Variants in ASTN2 observed in about 807,000 individuals in gnomAD.
ASTN2 encodes astrotactin 2.
Under a neutral mutation model 139.8 loss-of-function variants are expected in ASTN2, and 54 were observed. The ratio of observed to expected loss-of-function variants is 0.39; its 90% CI spans 0.31 to 0.48. ASTN2 has a LOEUF of 0.48. Ranked by LOEUF, ASTN2 falls within the 20% of genes least tolerant of loss-of-function variation. ASTN2 has a pLI of 0.95. For missense variants in ASTN2, 1,565 were observed against 1,725.1 expected, an observed-to-expected ratio of 0.91 and a Z score of 1.64; for synonymous variants, 756 against 719.5, an observed-to-expected ratio of 1.05 and a Z score of -0.81.
At position 117,215,640 on chromosome 9, in the gene ASTN2, G is replaced by A. The variant is rs959346000; in HGVS notation, c.631-898C>T. On this transcript the variant is annotated intron_variant, in intron 2 of 22. Coordinates refer to ENST00000313400, the MANE Select transcript of ASTN2 (RefSeq NM_001365068.1). ...GGTCTGTAAGATCCTTCAGGGCAGA[G>A]GTATTTTCAAAACACGTCTGTAATC... Among the ~76,000 whole-genome samples the A allele has an allele frequency of 7.2e-5, 11 of 152,034 alleles. No individual in the cohort carries two copies. In the East Asian group the frequency reaches 2.1e-3, roughly 29 times the overall value.
chr9:116,774,429 C>G lies in ASTN2; in HGVS notation c.2396+31203G>C, dbSNP rs548047579. Among the ~76,000 whole-genome samples the G allele has an allele frequency of 2.3e-3, 343 of 152,276 alleles. 2 individuals are homozygous for G. Among genetic ancestry groups the G allele is most frequent in the African/African-American group, 5.6e-3 (231 of 41,558 alleles). On this transcript the variant is annotated intron_variant, in intron 13 of 22. Coordinates refer to ENST00000313400, the MANE Select transcript of ASTN2 (RefSeq NM_001365068.1). ...GGAGTGGGTTGAAGATAGAAGCTTT[C>G]TTCTGGTGGAAAATAATAATAATAG...
At chr9:116,887,050 C>T (rs967029011) in intron 10 of ASTN2, among the ~76,000 whole-genome samples, 1 of 152,226 alleles carries the variant, frequency 6.6e-6, no homozygotes, top group African/African-American at 2.4e-5. Context: ...TGATGTGAAA[C>T]AAGTGCTCAA....
rs944572526 is a variant in ASTN2 at position 117,205,388 on chromosome 9, A to T, written c.1015+8970T>A. Among the ~76,000 whole-genome samples the T allele has an allele frequency of 3.3e-5, 5 of 152,260 alleles. No homozygotes were observed. In the South Asian group the frequency reaches 8.3e-4, roughly 25 times the overall value. On this transcript the variant is annotated intron_variant, in intron 3 of 22. Transcript: ENST00000313400. The stretch of plus-strand genomic sequence containing the variant: ...GGTATTTTACACATCTTTTATTTTT[A>T]TATCTAATCCTCCCATTAACCCTTC...
intron 5 of ASTN2, among the ~76,000 whole-genome samples, chr9:117,049,250 T>G (rs898550443): frequency 6.6e-6 from 1 of 152,120 alleles, no homozygotes; most frequent in African/African-American, 2.4e-5. Flanking sequence ...CAAAACCAGA[T>G]GTATCTTGAA....
At chr9:116,555,768 C>G (rs1852584907) in intron 19 of ASTN2, among the ~76,000 whole-genome samples, 1 of 152,142 alleles carries the variant, frequency 6.6e-6, no homozygotes, top group African/African-American at 2.4e-5. Context: ...CACACACAAC[C>G]CTGCATCTGA....
Position 117,256,706 on chromosome 9 carries a change from G to T in ASTN2, c.630+34620C>A, listed in dbSNP as rs1247680497. 4.6e-5 allele frequency among the ~76,000 whole-genome samples: 7 copies of T among 152,272 alleles called. No homozygotes were observed. In the East Asian group the frequency reaches 1.4e-3, roughly 29 times the overall value. The stretch of plus-strand genomic sequence containing the variant: ...AAGAAGAAATAAAGGAGGAAAAAGA[G>T]AAATTATTACCATTCTTTATCCCAT... On this transcript the variant is annotated intron_variant, in intron 2 of 22. Coordinates refer to ENST00000313400, the MANE Select transcript of ASTN2 (RefSeq NM_001365068.1).
chr9:117,003,953 C>CGTGTGTGTGTGT lies in ASTN2; in HGVS notation c.1591+4127_1591+4138dup, dbSNP rs3038371. On this transcript the variant is annotated intron_variant, in intron 7 of 22. Transcript: ENST00000313400. ...TGTGTTTCTTTCACGCGCGCGCGCG[C>CGTGTGTGTGTGT]GTGTGTGTGTGTGTGTGTGTGTGTT... Among the ~76,000 whole-genome samples, 143 of 146,262 alleles carry CGTGTGTGTGTGT rather than the reference C, an allele frequency of 9.8e-4. 2 individuals carry two copies. Among genetic ancestry groups the CGTGTGTGTGTGT allele is most frequent in the African/African-American group, 3.7e-3 (140 of 38,268 alleles).
Position 117,096,051 on chromosome 9 carries a change from G to A in ASTN2, c.1269C>T (p.Arg423=), listed in dbSNP as rs773218254. The A allele has an allele frequency of 6.2e-7, 1 of 1,613,686 alleles. No individual in the cohort carries two copies. The highest frequency in any genetic ancestry group is 1.1e-5 in the South Asian group (1 of 91,066). The change falls in exon 5 of 23, where the codon CGC becomes CGT. Residue 423 remains arginine, a synonymous_variant. Coordinates refer to ENST00000313400, the MANE Select transcript of ASTN2 (RefSeq NM_001365068.1). ...TTCCAAGGACACTATTACCTTTGCT[G>A]CGGCGGCGACTGCGGTACTGCTCCG... ...FYTEQYRSRR[R]SKGLLKSPVN...
chr9:117,087,267 C>T (rs530752836), intron 5 of ASTN2, among the ~76,000 whole-genome samples: 3 of 151,894 alleles, frequency 2.0e-5, no homozygotes, highest in South Asian at 2.1e-4. Flanking sequence ...CAGGGTCTCA[C>T]TCTGATGCCC....
intron 1 of ASTN2, among the ~76,000 whole-genome samples, chr9:117,326,044 C>T (rs903822275): frequency 2.6e-5 from 4 of 152,156 alleles, no homozygotes; most frequent in Non-Finnish European, 5.9e-5. Flanking sequence ...CGGAGCTTCA[C>T]AGCACACATT....
At chr9:116,894,974 C>G (rs1257849915) in intron 10 of ASTN2, among the ~76,000 whole-genome samples, 1 of 152,182 alleles carries the variant, frequency 6.6e-6, no homozygotes, top group Non-Finnish European at 1.5e-5. Context: ...TTTTACCTCC[C>G]TGCACATTTA....
At chr9:117,185,906 A>G (rs1369176190) in intron 3 of ASTN2, among the ~76,000 whole-genome samples, 3 of 152,204 alleles carry the variant, frequency 2.0e-5, no homozygotes, top group African/African-American at 7.2e-5. Flanking sequence ...TCCAATCAAT[A>G]GTGTATCTCC....
At chr9:116,795,657 G>C (rs1830670358) in intron 13 of ASTN2, among the ~76,000 whole-genome samples, 1 of 152,116 alleles carries the variant, frequency 6.6e-6, no homozygotes, top group Non-Finnish European at 1.5e-5. Flanking sequence ...AAGTTGAGAG[G>C]ATAACCCTGG....
intron 3 of ASTN2, among the ~76,000 whole-genome samples, chr9:117,170,996 T>A (rs183968255): frequency 2.6e-5 from 4 of 152,228 alleles, no homozygotes; most frequent in Non-Finnish European, 5.9e-5. Flanking sequence ...GGGCTCAAAG[T>A]TGCTGGGAAC....
At chr9:116,794,121 G>A (rs1185652454) in intron 13 of ASTN2, among the ~76,000 whole-genome samples, 3 of 136,662 alleles carry the variant, frequency 2.2e-5, no homozygotes, top group Non-Finnish European at 4.8e-5. Flanking sequence ...TTTTGAGATG[G>A]GGTTTCACTC....
chr9:116,838,356 C>T (rs917396046), intron 11 of ASTN2, among the ~76,000 whole-genome samples: 4 of 152,080 alleles, frequency 2.6e-5, no homozygotes, highest in East Asian at 1.9e-4. Flanking sequence ...GTGATCCGCC[C>T]GCCTCAGCAC....
chr9:116,948,786 T>TTTTTTTTTTTTGTTTTTG (rs1835472744), intron 10 of ASTN2, among the ~76,000 whole-genome samples: 5 of 9,084 alleles, frequency 5.5e-4, no homozygotes, highest in Non-Finnish European at 7.2e-4. Flanking sequence ...TAATTTGGTG[T>TTTTTTTTTTTTGTTTTTG]TTTTTTTTTT....
intron 1 of ASTN2, among the ~76,000 whole-genome samples, chr9:117,379,386 C>T (rs1035574958): frequency 1.3e-5 from 2 of 152,112 alleles, no homozygotes; most frequent in Non-Finnish European, 2.9e-5. Flanking sequence ...TCAGGGAGAA[C>T]TAGCCCCAGG....
chr9:117,127,420 C>T (rs76390169), intron 4 of ASTN2, among the ~76,000 whole-genome samples: 3,806 of 152,256 alleles, frequency 0.025, 69 homozygotes, highest in Middle Eastern at 0.058. Context: ...CTAGATCACA[C>T]ATAGGTAATT....
Sources: gnomAD v4.1 joint callset for allele counts (sites outside exome capture counted in the v4.1 genomes callset) on GRCh38, gnomAD v4.1.1 for gene constraint, MANE v1.5 for transcripts, NCBI Gene and HGNC (gene_info 2026-07-23, HGNC 2026-07-21) for gene names.